Variants in COX7A2L observed in about 807,000 individuals in gnomAD.
The protein encoded by COX7A2L is cytochrome c oxidase subunit 7A2-like, mitochondrial.
COX7A2L carries 18 observed loss-of-function variants against 14.2 expected under a neutral mutation model. The observed-to-expected ratio is 1.27, with a 90% CI of 0.88 to 1.88. The LOEUF (loss-of-function observed/expected upper bound fraction) is 1.88, where lower values mean the gene tolerates loss of function less well. COX7A2L is among the 40% of genes most tolerant of loss of function. The pLI is 0.00. For missense variants in COX7A2L, 179 were observed against 138.8 expected (o/e 1.29, Z -1.46); for synonymous variants, 65 against 57.4 (o/e 1.13, Z -0.60).
At chr2:42,368,205 T>C (rs1342814479) in intron 1 of COX7A2L, among the ~76,000 whole-genome samples, 1 of 152,180 alleles carries the variant, frequency 6.6e-6, no homozygotes, top group East Asian at 1.9e-4. Flanking sequence ...CATTTCTAGA[T>C]GTGTTTTCTT....
chr2:42,348,724 T>G (rs1166680732), downstream of COX7A2L, among the ~76,000 whole-genome samples: 1 of 152,078 alleles, frequency 6.6e-6, no homozygotes, highest in South Asian at 2.1e-4. Flanking sequence ...CGAGACCATC[T>G]TGGCCTACAT....
intron 1 of COX7A2L, among the ~76,000 whole-genome samples, chr2:42,355,714 GTTC>G (rs1670793742): frequency 2.4e-5 from 2 of 82,868 alleles, no homozygotes; most frequent in Admixed American, 1.1e-4. Flanking sequence ...AAAATCCTAC[GTTC>G]TTTTTTTTTT....
In COX7A2L at chr2:42,338,380, CTAG is replaced by C. The variant is rs1000246684; in HGVS notation, c.193-4514_193-4512del. ...GAAAGGAAGAGCAGAATTTCACTCTCTAGCAGAGCCCTCCCAAGACTGCCGCAG... is the reference window on the plus strand; with the variant it reads ...GAAAGGAAGAGCAGAATTTCACTCTCCAGAGCCCTCCCAAGACTGCCGCAG... On this transcript the variant is annotated intron_variant, in intron 2 of 2. Transcript: ENST00000468711. This position sits in a 1 kb window ranked among gnomAD's most constrained non-coding sequence, Gnocchi z 4.4. 5.3e-5 allele frequency among the ~76,000 whole-genome samples: 8 copies of C among 152,192 alleles called. No individual in the cohort carries two copies. The highest frequency in any genetic ancestry group is 1.9e-4 in the African/African-American group (8 of 41,456).
In COX7A2L at chr2:42,353,450, A is replaced by G; in HGVS notation, c.73-107T>C. 4 of 1,451,392 alleles carry G rather than the reference A, an allele frequency of 2.8e-6. 1 individual carries two copies. Among genetic ancestry groups the G allele is most frequent in the South Asian group, 2.5e-5 (2 of 80,484 alleles). The allele number at this position is 1,451,392 out of a possible 1,614,324, so 89.9% of individuals were successfully genotyped here. Reference sequence around the variant, plus strand: ...ACGAGAGAGCAAGAAAGTCTCTCCAACTTTCCCAGAGCAAACCCTGTCAAG... The same window carrying G: ...ACGAGAGAGCAAGAAAGTCTCTCCAGCTTTCCCAGAGCAAACCCTGTCAAG... On this transcript the variant is annotated intron_variant, in intron 1 of 2. Transcript: ENST00000234301.
intron 2 of COX7A2L, among the ~76,000 whole-genome samples, chr2:42,336,877 A>G (rs1286643030): frequency 5.3e-5 from 8 of 152,132 alleles, no homozygotes; most frequent in Non-Finnish European, 8.8e-5. Flanking sequence ...TTCATCAGAT[A>G]TATATTAAGA....
chr2:42,337,542 A>C (rs1188428305), intron 2 of COX7A2L, among the ~76,000 whole-genome samples: 3 of 146,828 alleles, frequency 2.0e-5, no homozygotes, highest in Non-Finnish European at 4.5e-5. Context: ...GCCACCATGA[A>C]TCTACACGTG....
chr2:42,353,504 C>T (rs1270266475), intron 1 of COX7A2L, among the ~76,000 whole-genome samples, 161 bp from the exon 2 acceptor site: 2 of 152,134 alleles, frequency 1.3e-5, no homozygotes, highest in East Asian at 1.9e-4. Flanking sequence ...TTGCAGGGGG[C>T]GTGTGAGGGT....
chr2:42,338,071 C>T lies in COX7A2L; in HGVS notation c.193-4202G>A, dbSNP rs1454882372. On this transcript the variant is annotated intron_variant, in intron 2 of 2. Coordinates refer to the COX7A2L transcript ENST00000468711. The surrounding 1 kb of genome is among the most constrained non-coding windows in gnomAD (Gnocchi z 4.4). ...CATCTGGGACCATAGGGACAAGAGA[C>T]GACCCGGGAGCACTAAGAATTCATC... is the stretch of plus-strand genomic sequence containing the variant. Among the ~76,000 whole-genome samples the T allele has an allele frequency of 1.3e-5, 2 of 152,206 alleles. No individual in the cohort carries two copies. Among genetic ancestry groups the T allele is most frequent in the Non-Finnish European group, 2.9e-5 (2 of 68,048 alleles).
chr2:42,348,022 T>C (rs148621724), downstream of COX7A2L, among the ~76,000 whole-genome samples: 1 of 152,334 alleles, frequency 6.6e-6, no homozygotes, highest in Non-Finnish European at 1.5e-5. Flanking sequence ...GAAGCCATCT[T>C]GTCTGTCACA....
intron 2 of COX7A2L, among the ~76,000 whole-genome samples, chr2:42,340,605 C>A (rs964981503): frequency 7.2e-5 from 11 of 152,110 alleles, no homozygotes; most frequent in Admixed American, 7.2e-4. Flanking sequence ...CCTCTCTTCT[C>A]CCCGACCCCC....
chr2:42,351,976 C>G lies in COX7A2L; in HGVS notation c.205-617G>C, dbSNP rs79079393. Reference sequence around the variant, plus strand: ...CTGGCCTGGGTGACAGAGTAAGGCTCTGTCTTAAAAAAGATAAAAAGAGGT... The same window carrying G: ...CTGGCCTGGGTGACAGAGTAAGGCTGTGTCTTAAAAAAGATAAAAAGAGGT... On this transcript the variant is annotated intron_variant, in intron 2 of 2. Transcript: ENST00000234301. Among the ~76,000 whole-genome samples the G allele has an allele frequency of 3.4e-4, 52 of 152,198 alleles. No homozygotes were observed. The East Asian group carries it at 9.1e-3, about 27-fold the overall frequency.
intron 1 of COX7A2L, among the ~76,000 whole-genome samples, chr2:42,367,330 C>A (rs758712897): frequency 1.3e-5 from 2 of 152,108 alleles, no homozygotes; most frequent in African/African-American, 2.4e-5. Context: ...GAGGATTAGC[C>A]ACGTATTACC....
In COX7A2L at chr2:42,338,974, G is replaced by C. The variant is rs1024961300; in HGVS notation, c.193-5105C>G. ...GTCCCTGCATCAGAGCGCCAGGAAG[G>C]CTGTCCCCTCTGATCACTGGCTGGA... On this transcript the variant is annotated intron_variant, in intron 2 of 2. Transcript: ENST00000468711. This position sits in a 1 kb window ranked among gnomAD's most constrained non-coding sequence, Gnocchi z 4.4. Among the ~76,000 whole-genome samples, 1 of 152,198 alleles carries C rather than the reference G, an allele frequency of 6.6e-6. No homozygotes were observed. The highest frequency in any genetic ancestry group is 2.4e-5 in the African/African-American group (1 of 41,454).
At chr2:42,351,404 T>C (rs371849558) in intron 2 of COX7A2L, 45 bp from the exon 3 acceptor site, 25 of 1,601,580 alleles carry the variant, frequency 1.6e-5, no homozygotes, top group Non-Finnish European at 2.0e-5. Flanking sequence ...AAGAAAAATA[T>C]TTTACAATTT....
intron 1 of COX7A2L, among the ~76,000 whole-genome samples, chr2:42,358,285 C>T (rs1037293290): frequency 6.6e-6 from 1 of 152,264 alleles, no homozygotes; most frequent in Non-Finnish European, 1.5e-5. Flanking sequence ...TTATTTTTGA[C>T]GCAATTCAGA....
intron 1 of COX7A2L, among the ~76,000 whole-genome samples, chr2:42,358,219 G>A (rs1414644661): frequency 6.6e-6 from 1 of 152,172 alleles, no homozygotes; most frequent in South Asian, 2.1e-4. Flanking sequence ...TTGTGGTTGT[G>A]ATTTGCTCTA....
At chr2:42,344,091 A>G (rs1670450686) in intron 2 of COX7A2L, among the ~76,000 whole-genome samples, 1 of 152,258 alleles carries the variant, frequency 6.6e-6, no homozygotes, top group South Asian at 2.1e-4. Context: ...ACCCTAAAAA[A>G]AAATTTACAT....
intron 1 of COX7A2L, among the ~76,000 whole-genome samples, chr2:42,357,610 C>T (rs1223548330): frequency 2.0e-5 from 3 of 152,086 alleles, no homozygotes; most frequent in African/African-American, 7.2e-5. Flanking sequence ...CCGCACCTGA[C>T]CTCTATTTAT....
chr2:42,339,641 A>G lies in COX7A2L; in HGVS notation c.193-5772T>C, dbSNP rs1670360704. 6.6e-6 allele frequency among the ~76,000 whole-genome samples: 1 copy of G among 151,854 alleles called. No homozygotes were observed. Among genetic ancestry groups the G allele is most frequent in the Admixed American group, 6.6e-5 (1 of 15,246 alleles). The stretch of plus-strand genomic sequence containing the variant: ...CTTTCTTATTTTTAACACTTTTTAA[A>G]TTTATTACTTCCAATAAAGTGCAGA... On this transcript the variant is annotated intron_variant, in intron 2 of 2. Transcript: ENST00000468711. This position sits in a 1 kb window ranked among gnomAD's most constrained non-coding sequence, Gnocchi z 5.4.
Sources: allele counts gnomAD v4.1 joint callset (sites outside exome capture counted in the v4.1 genomes callset), GRCh38; gene constraint gnomAD v4.1.1; non-coding constraint Gnocchi (gnomAD v3.1); transcripts MANE v1.5; gene names NCBI Gene and HGNC (gene_info 2026-07-23, HGNC 2026-07-21).